NDC80: variants seen among roughly 807,000 people sequenced by gnomAD.
NDC80 encodes the protein NDC80 kinetochore complex component.
NDC80 carries 69 observed loss-of-function variants against 89.3 expected under a neutral mutation model. The ratio of observed to expected loss-of-function variants is 0.77; its 90% CI spans 0.64 to 0.94. NDC80 has a LOEUF of 0.94. Ranked by LOEUF, NDC80 falls within the 40% of genes least tolerant of loss-of-function variation. NDC80 has a pLI of 0.00. For missense variants in NDC80, 593 were observed against 739.6 expected (o/e 0.80, Z 2.30); for synonymous variants, 243 against 255.6 (o/e 0.95, Z 0.47).
At chr18:2,590,652 A>G (rs2072623126) in intron 10 of NDC80, among the ~76,000 whole-genome samples, 1 of 152,222 alleles carries the variant, frequency 6.6e-6, no homozygotes, top group Non-Finnish European at 1.5e-5. Context: ...CTTCATCTCA[A>G]GATACTTAAT....
chr18:2,616,048 T>C (rs1050126381), intron 16 of NDC80, among the ~76,000 whole-genome samples: 1 of 152,120 alleles, frequency 6.6e-6, no homozygotes. Flanking sequence ...TTTTTGGAGA[T>C]AGCATCTTGC....
At chr18:2,603,356 C>CAT (rs60997707) in intron 13 of NDC80, among the ~76,000 whole-genome samples, 6,545 of 120,654 alleles carry the variant, frequency 0.054, 396 homozygotes, top group Non-Finnish European at 0.068. Flanking sequence ...TATGTTTATA[C>CAT]ATATATATAT....
intron 7 of NDC80, among the ~76,000 whole-genome samples, chr18:2,586,403 T>C (rs955429732): frequency 1.3e-5 from 2 of 152,096 alleles, no homozygotes; most frequent in African/African-American, 4.8e-5. Context: ...TACCCCTCAG[T>C]TTTCACCCAA....
At chr18:2,590,874 C>T (rs767660436) in intron 10 of NDC80, among the ~76,000 whole-genome samples, 13 of 152,074 alleles carry the variant, frequency 8.5e-5, no homozygotes, top group Non-Finnish European at 1.2e-4. Flanking sequence ...TACTGTATTC[C>T]ACTTTGTGGT....
At chr18:2,614,647 A>AAGAAAGAAAGAAAGAG in intron 16 of NDC80, among the ~76,000 whole-genome samples, 1 of 92,514 alleles carries the variant, frequency 1.1e-5, no homozygotes, top group Non-Finnish European at 2.4e-5. Flanking sequence ...GAAAGAAAGA[A>AAGAAAGAAAGAAAGAG]AGAAAGAAAT....
In NDC80 at chr18:2,575,014, T is replaced by C. The variant is rs750272537; in HGVS notation, c.127T>C (p.Leu43=). ...QTKEKPTFGK[L]SINKPTSERK... ...CAAAGAGAAACCAACCTTTGGAAAG[T>C]TGAGTATAAACAAACCGACATCTGA... The change falls in exon 3 of 17, where the codon TTG becomes CTG. Residue 43 remains leucine (L), a synonymous_variant. Transcript: ENST00000261597. 2 of 1,610,732 alleles carry C rather than the reference T, an allele frequency of 1.2e-6. No individual in the cohort carries two copies. The highest frequency in any genetic ancestry group is 1.7e-6 in the Non-Finnish European group (2 of 1,178,452).
chr18:2,590,023 T>C lies in NDC80; in HGVS notation c.876T>C (p.Arg292=). 6.3e-7 allele frequency: 1 copy of C among 1,594,520 alleles called. No homozygotes were observed. The highest frequency in any genetic ancestry group is 8.5e-7 in the Non-Finnish European group (1 of 1,171,092). Residue 292 remains arginine (R), a synonymous_variant, in exon 10 of 17, where the codon CGT becomes CGC. Coordinates refer to ENST00000261597, the MANE Select transcript of NDC80 (RefSeq NM_006101.3). ...LEQEREKEPN[R]LESLRKLKAS... is the part of the protein sequence containing the mutation. ...TATATTCTTTTCTCTTAAAGAATCG[T>C]CTAGAGTCGTTGAGAAAACTGAAGG... is the stretch of plus-strand genomic sequence containing the variant.
intron 12 of NDC80, 37 bp downstream of exon 12, chr18:2,599,208 T>A (rs376527414): frequency 1.2e-4 from 179 of 1,555,524 alleles, no homozygotes; most frequent in Middle Eastern, 1.8e-4. Context: ...TTTTTTTAAT[T>A]CTGTGATTGG....
At chr18:2,574,131 A>G (rs1394470913) in intron 2 of NDC80, among the ~76,000 whole-genome samples, 5 of 152,206 alleles carry the variant, frequency 3.3e-5, no homozygotes, top group Admixed American at 2.6e-4. Flanking sequence ...GGGAACAGAC[A>G]AACAGCACAT....
At chr18:2,578,509 G>A (rs1196607243) in intron 5 of NDC80, among the ~76,000 whole-genome samples, 1 of 152,038 alleles carries the variant, frequency 6.6e-6, no homozygotes, top group African/African-American at 2.4e-5. Flanking sequence ...AGAAAAGACA[G>A]ACTGGATACC....
At chr18:2,602,375 A>C (rs1439027667) in intron 13 of NDC80, among the ~76,000 whole-genome samples, 1 of 152,144 alleles carries the variant, frequency 6.6e-6, no homozygotes, top group Non-Finnish European at 1.5e-5. Context: ...AAAAATTTGT[A>C]ACATTAGATA....
chr18:2,607,942 T>C (rs2072721207), intron 14 of NDC80, among the ~76,000 whole-genome samples: 1 of 130,522 alleles, frequency 7.7e-6, no homozygotes, highest in Non-Finnish European at 1.6e-5. Flanking sequence ...TTCTATTGTG[T>C]TTTTATTTTA....
intron 3 of NDC80, among the ~76,000 whole-genome samples, chr18:2,575,751 C>G (rs1197172684): frequency 6.6e-6 from 1 of 152,046 alleles, no homozygotes; most frequent in African/African-American, 2.4e-5. Flanking sequence ...ATGGTGAAAC[C>G]CTGTCTCTAC....
chr18:2,611,012 A>T (rs2072741362), intron 16 of NDC80, 151 bp downstream of exon 16: 18 of 328,954 alleles, frequency 5.5e-5, no homozygotes, highest in Admixed American at 1.0e-4. Flanking sequence ...TTGTCTAGTG[A>T]TGTGGCAACG....
chr18:2,588,391 T>C (rs2072612067), intron 8 of NDC80, among the ~76,000 whole-genome samples: 1 of 152,186 alleles, frequency 6.6e-6, no homozygotes, highest in Non-Finnish European at 1.5e-5. Flanking sequence ...GACATTATAC[T>C]TCCAAATATG....
chr18:2,597,696 C>T (rs2072664149), intron 11 of NDC80, among the ~76,000 whole-genome samples: 3 of 151,248 alleles, frequency 2.0e-5, no homozygotes, highest in African/African-American at 7.3e-5. Context: ...CACTATTGCA[C>T]TCCAGCCTGG....
intron 6 of NDC80, among the ~76,000 whole-genome samples, chr18:2,583,410 CTGTG>C (rs2143638861): frequency 6.6e-6 from 1 of 152,208 alleles, no homozygotes; most frequent in South Asian, 2.1e-4. Context: ...ATTATTAAAT[CTGTG>C]TGTTGGCCGG....
At chr18:2,576,174 G>A (rs947004960) in intron 3 of NDC80, among the ~76,000 whole-genome samples, 1 of 152,128 alleles carries the variant, frequency 6.6e-6, no homozygotes, top group African/African-American at 2.4e-5. Flanking sequence ...AAAGATTAAT[G>A]AGAACTCCAC....
rs532310479 is a variant in NDC80 at position 2,606,254 on chromosome 18, A to G, written c.1465-161A>G. On this transcript the variant is annotated intron_variant, in intron 13 of 16. Coordinates refer to ENST00000261597, the MANE Select transcript of NDC80 (RefSeq NM_006101.3). ...TTCTTTGAAATTAATTTCTCTTTGG[A>G]GAATAATAAAGTTTTTGGACAAATG... 2.0e-5 allele frequency among the ~76,000 whole-genome samples: 3 copies of G among 152,098 alleles called. No homozygotes were observed. The East Asian group carries it at 5.8e-4, about 29-fold the overall frequency.
Sources: allele counts gnomAD v4.1 joint callset (sites outside exome capture counted in the v4.1 genomes callset), GRCh38; gene constraint gnomAD v4.1.1; transcripts MANE v1.5; gene names NCBI Gene and HGNC (gene_info 2026-07-23, HGNC 2026-07-21).